The following GRID2 variants were observed in gnomAD, a reference collection of about 807,000 sequenced individuals.
GRID2 encodes the protein glutamate ionotropic receptor delta type subunit 2, also known as glutamate receptor ionotropic, delta-2.
In GRID2, 33 loss-of-function variants were observed where a neutral mutation model predicts 114.8. The ratio of observed to expected loss-of-function variants is 0.29; its 90% CI spans 0.22 to 0.38. The LOEUF is 0.38. Ranked by LOEUF, GRID2 falls within the 10% of genes least tolerant of loss-of-function variation. GRID2 has a pLI of 1.00. For missense variants in GRID2, 1,184 were observed against 1,257.7 expected, an observed-to-expected ratio of 0.94 and a Z score of 0.89; for synonymous variants, 505 against 449.9, an observed-to-expected ratio of 1.12 and a Z score of -1.55.
downstream of GRID2, among the ~76,000 whole-genome samples, chr4:93,775,775 A>G (rs887024829): frequency 1.3e-5 from 2 of 152,200 alleles, no homozygotes; most frequent in African/African-American, 4.8e-5. Context: ...TTAATCATAC[A>G]TACTTAAAGT....
chr4:93,110,664 C>A, intron 3 of GRID2, 84 bp from the exon 4 acceptor site: 1 of 886,684 alleles, frequency 1.1e-6, no homozygotes, highest in Non-Finnish European at 1.9e-6. Context: ...GAACAATAAT[C>A]TATTCTGATA....
At chr4:93,119,473 T>G (rs772489733) in intron 4 of GRID2, among the ~76,000 whole-genome samples, 15 of 152,308 alleles carry the variant, frequency 9.8e-5, no homozygotes, top group Non-Finnish European at 1.5e-4. Flanking sequence ...TTTGAGAAGA[T>G]ACGCCAATTC....
intron 14 of GRID2, among the ~76,000 whole-genome samples, chr4:93,736,129 CA>C (rs1305702393): frequency 2.0e-5 from 3 of 151,924 alleles, no homozygotes; most frequent in African/African-American, 4.8e-5. Context: ...TTATTAAACA[CA>C]AAAATTCCCT....
intron 2 of GRID2, among the ~76,000 whole-genome samples, chr4:92,944,474 C>A (rs1419671907): frequency 1.3e-5 from 2 of 152,204 alleles, no homozygotes; most frequent in African/African-American, 2.4e-5. Flanking sequence ...CCGTCTGTCA[C>A]CCCTTTCTTT....
chr4:93,520,619 G>A (rs549972988), intron 13 of GRID2, among the ~76,000 whole-genome samples: 2 of 152,230 alleles, frequency 1.3e-5, no homozygotes, highest in East Asian at 1.9e-4. Context: ...GGGATGGAGA[G>A]GCAGATGGAT....
At chr4:92,437,633 A>T (rs1006959217) in intron 1 of GRID2, among the ~76,000 whole-genome samples, 1 of 152,210 alleles carries the variant, frequency 6.6e-6, no homozygotes, top group African/African-American at 2.4e-5. Flanking sequence ...TAATATGCTG[A>T]TATTTGATTA....
intron 13 of GRID2, among the ~76,000 whole-genome samples, chr4:93,620,794 G>C (rs1474716148): frequency 6.6e-6 from 1 of 152,100 alleles, no homozygotes; most frequent in Non-Finnish European, 1.5e-5. Context: ...GGTCTCCAAA[G>C]CATATCTATG....
chr4:92,335,150 A>AG (rs1425104199), intron 1 of GRID2, among the ~76,000 whole-genome samples: 2 of 152,206 alleles, frequency 1.3e-5, no homozygotes, highest in East Asian at 3.8e-4. Context: ...CTGTGGTCTA[A>AG]GAAAAATTAT....
chr4:93,085,509 C>T (rs938559296), intron 3 of GRID2, among the ~76,000 whole-genome samples: 2 of 152,058 alleles, frequency 1.3e-5, no homozygotes, highest in African/African-American at 2.4e-5. Flanking sequence ...CTACTTAATG[C>T]TTAGTTTACA....
intron 1 of GRID2, among the ~76,000 whole-genome samples, chr4:92,308,996 ATGT>A (rs1157365650): frequency 6.6e-6 from 1 of 152,058 alleles, no homozygotes; most frequent in African/African-American, 2.4e-5. Context: ...AAGTTAGACA[ATGT>A]TGTTATTAAT....
intron 13 of GRID2, among the ~76,000 whole-genome samples, chr4:93,548,733 T>C (rs1421027520): frequency 6.6e-6 from 1 of 152,194 alleles, no homozygotes; most frequent in Non-Finnish European, 1.5e-5. Context: ...TAATAGTGCA[T>C]TGAATCCCAT....
chr4:92,704,717 C>CTCTCTCTCTCTCTT (rs1560542469), intron 2 of GRID2, among the ~76,000 whole-genome samples: 2 of 143,516 alleles, frequency 1.4e-5, no homozygotes, highest in African/African-American at 5.1e-5. Flanking sequence ...CTCTCTCTCT[C>CTCTCTCTCTCTCTT]TCTCTTTCTC....
In GRID2 at chr4:93,768,762, A is replaced by C. The variant is rs532973125; in HGVS notation, c.2361-448A>C. ...ATTACGCCAGCATCTTGCTCTAAGC[A>C]GCAAAACGTTCTTCATAAAAGCATT... On this transcript the variant is annotated intron_variant, in intron 14 of 15. Coordinates refer to ENST00000282020, the MANE Select transcript of GRID2 (RefSeq NM_001510.4). Among the ~76,000 whole-genome samples the C allele has an allele frequency of 3.3e-5, 5 of 152,356 alleles. No homozygotes were observed. The East Asian group carries it at 9.6e-4, about 29-fold the overall frequency.
chr4:92,884,208 G>A (rs1186259466), intron 2 of GRID2, among the ~76,000 whole-genome samples: 1 of 152,104 alleles, frequency 6.6e-6, no homozygotes, highest in African/African-American at 2.4e-5. Context: ...AACCATTTTT[G>A]TTATCTTCTG....
intron 1 of GRID2, among the ~76,000 whole-genome samples, chr4:92,470,093 A>G (rs1034896466): frequency 1.3e-5 from 2 of 151,948 alleles, no homozygotes; most frequent in Non-Finnish European, 2.9e-5. Context: ...GGCATTTATA[A>G]AAACAGGTGT....
intron 8 of GRID2, among the ~76,000 whole-genome samples, chr4:93,253,882 C>T (rs1029715594): frequency 9.9e-5 from 15 of 152,118 alleles, no homozygotes; most frequent in South Asian, 8.3e-4. Flanking sequence ...ATAGGTTCCC[C>T]GAGTGTTACT....
At chr4:93,229,562 A>G (rs888618194) in intron 7 of GRID2, among the ~76,000 whole-genome samples, 1 of 152,192 alleles carries the variant, frequency 6.6e-6, no homozygotes, top group Non-Finnish European at 1.5e-5. Context: ...CAGGCTCTTT[A>G]TTATGATGGG....
chr4:93,091,791 A>G (rs1454299112), intron 3 of GRID2, among the ~76,000 whole-genome samples: 1 of 152,114 alleles, frequency 6.6e-6, no homozygotes, highest in East Asian at 1.9e-4. Context: ...ATGATCCAGA[A>G]TCATATCAAT....
chr4:93,328,824 G>T (rs1380190637), intron 8 of GRID2, among the ~76,000 whole-genome samples: 4 of 152,018 alleles, frequency 2.6e-5, no homozygotes, highest in African/African-American at 7.2e-5. Flanking sequence ...GATATATACA[G>T]GATTACAGAT....
Sources: gnomAD v4.1 joint callset for allele counts (sites outside exome capture counted in the v4.1 genomes callset) on GRCh38, gnomAD v4.1.1 for gene constraint, MANE v1.5 for transcripts, NCBI Gene and HGNC (gene_info 2026-07-23, HGNC 2026-07-21) for gene names.